The following MB21D2 variants were observed in gnomAD, a reference collection of about 807,000 sequenced individuals.
The protein encoded by MB21D2 is nucleotidyltransferase MB21D2.
A neutral mutation model predicts 33.3 loss-of-function variants in MB21D2; 9 were observed. That is an observed-to-expected ratio of 0.27 (90% confidence interval 0.16 to 0.47). The LOEUF (loss-of-function observed/expected upper bound fraction) is 0.47, where lower values mean the gene tolerates loss of function less well. Ranked by LOEUF, MB21D2 falls within the 20% of genes least tolerant of loss-of-function variation. The pLI is 0.99. For missense variants in MB21D2, 540 were observed against 624.6 expected, an observed-to-expected ratio of 0.86 and a Z score of 1.44; for synonymous variants, 241 against 236.3, an observed-to-expected ratio of 1.02 and a Z score of -0.18.
chr3:192,874,627 G>A (rs1713389411), intron 1 of MB21D2, among the ~76,000 whole-genome samples: 1 of 152,128 alleles, frequency 6.6e-6, no homozygotes, highest in East Asian at 1.9e-4. Context: ...TGGATATCCT[G>A]TGTGCCCCTT....
At chr3:192,801,457 C>G (rs1034747629) in intron 1 of MB21D2, among the ~76,000 whole-genome samples, 1 of 152,166 alleles carries the variant, frequency 6.6e-6, no homozygotes, top group East Asian at 1.9e-4. Context: ...TCTGAACGTT[C>G]GTGACTCCCA....
chr3:192,830,978 G>T (rs1424248656), intron 1 of MB21D2, among the ~76,000 whole-genome samples: 3 of 152,194 alleles, frequency 2.0e-5, no homozygotes, highest in Non-Finnish European at 4.4e-5. Context: ...AGGCTGTGTG[G>T]TCTCAAGGAA....
intron 1 of MB21D2, among the ~76,000 whole-genome samples, chr3:192,822,466 A>C (rs1330897684): frequency 9.2e-6 from 1 of 108,234 alleles, no homozygotes; most frequent in African/African-American, 3.3e-5. Context: ...TTGGATATCC[A>C]CATAGAAGTT....
chr3:192,823,426 G>C (rs931760507), intron 1 of MB21D2, among the ~76,000 whole-genome samples: 1 of 152,144 alleles, frequency 6.6e-6, no homozygotes, highest in Non-Finnish European at 1.5e-5. Flanking sequence ...GGCCGAGGCA[G>C]GTGGATCACC....
At chr3:192,857,796 A>C (rs914125051) in intron 1 of MB21D2, among the ~76,000 whole-genome samples, 24 of 152,328 alleles carry the variant, frequency 1.6e-4, no homozygotes, top group African/African-American at 5.8e-4. Context: ...AATTCAGTTC[A>C]TAAGTCAATG....
In MB21D2 at chr3:192,880,293, G is replaced by A. The variant is rs145873554; in HGVS notation, c.211+37337C>T. The stretch of plus-strand genomic sequence containing the variant: ...ACCCAGGAGACGGAGGTTGCAGTGA[G>A]CCGAGATTGCACCACCGCACTCCAG... On this transcript the variant is annotated intron_variant, in intron 1 of 1. Transcript: ENST00000392452. 8.6e-3 allele frequency among the ~76,000 whole-genome samples: 1,309 copies of A among 152,070 alleles called. 13 individuals carry two copies. The highest frequency in any genetic ancestry group is 0.02 in the Admixed American group (309 of 15,284).
intron 1 of MB21D2, among the ~76,000 whole-genome samples, chr3:192,821,852 G>A (rs970195322): frequency 5.9e-5 from 9 of 152,064 alleles, no homozygotes; most frequent in Admixed American, 5.2e-4. Flanking sequence ...GCAGCAAGAG[G>A]CAGCACCCAG....
At chr3:192,900,208 C>T (rs1457718275) in intron 1 of MB21D2, among the ~76,000 whole-genome samples, 4 of 147,250 alleles carry the variant, frequency 2.7e-5, no homozygotes, top group South Asian at 2.2e-4. Flanking sequence ...GGTGTGAACC[C>T]GGGAGGCGGA....
chr3:192,850,665 A>G (rs1244307158), intron 1 of MB21D2, among the ~76,000 whole-genome samples: 1 of 152,160 alleles, frequency 6.6e-6, no homozygotes, highest in Non-Finnish European at 1.5e-5. Context: ...AGCCCTGAGC[A>G]AACCTGTCAG....
chr3:192,860,802 C>A (rs1432575777), intron 1 of MB21D2, among the ~76,000 whole-genome samples: 1 of 152,178 alleles, frequency 6.6e-6, no homozygotes, highest in Non-Finnish European at 1.5e-5. Context: ...TGAAATAAAT[C>A]CATAGACACC....
intron 1 of MB21D2, among the ~76,000 whole-genome samples, chr3:192,909,960 A>G (rs80122057): frequency 5.1e-4 from 71 of 138,254 alleles, no homozygotes; most frequent in African/African-American, 1.6e-3. Flanking sequence ...AAAAAAAAAA[A>G]AAAGAAAGAG....
chr3:192,878,738 C>T (rs186516612), intron 1 of MB21D2, among the ~76,000 whole-genome samples: 2 of 152,250 alleles, frequency 1.3e-5, no homozygotes, highest in Admixed American at 1.3e-4. Context: ...CCAAGGCGAG[C>T]GGATCGCTTG....
chr3:192,904,044 C>T lies in MB21D2; in HGVS notation c.211+13586G>A, dbSNP rs544506261. Among the ~76,000 whole-genome samples, 14 of 152,286 alleles carry T rather than the reference C, an allele frequency of 9.2e-5. No individual in the cohort carries two copies. The East Asian group carries it at 9.6e-4, about 10-fold the overall frequency. On this transcript the variant is annotated intron_variant, in intron 1 of 1. Coordinates refer to ENST00000392452, the MANE Select transcript of MB21D2 (RefSeq NM_178496.4). ...TGTCTTTACAGCAATGCAAAAACAG[C>T]CTATTACAAGTACCTTCCTCATAGT...
At chr3:192,835,615 C>T (rs556850693) in intron 1 of MB21D2, among the ~76,000 whole-genome samples, 4 of 151,910 alleles carry the variant, frequency 2.6e-5, no homozygotes, top group South Asian at 2.1e-4. Flanking sequence ...ACATTTTAAC[C>T]GTCTGTTGGT....
Position 192,798,656 on chromosome 3 carries a change from A to C in MB21D2, c.1206T>G (p.Ser402=). The change falls in exon 2 of 2, where the codon TCT becomes TCG. Residue 402 remains serine (S), a synonymous_variant. Transcript: ENST00000392452. This position sits in a 1 kb window ranked among gnomAD's most constrained non-coding sequence, Gnocchi z 4.8. ...AGTGCTCTGCCGGGTCTGAGCGCAC[A>C]GAGGACAGCTTCCGGGCGTGAAGCA... ...TVMLHARKLS[S]VRSDPAEHLR... is the part of the protein sequence containing the mutation. The C allele has an allele frequency of 6.2e-7, 1 of 1,613,722 alleles. No individual in the cohort carries two copies. The highest frequency in any genetic ancestry group is 8.5e-7 in the Non-Finnish European group (1 of 1,180,040).
chr3:192,812,618 A>T (rs1300306207), intron 1 of MB21D2, among the ~76,000 whole-genome samples: 1 of 152,190 alleles, frequency 6.6e-6, no homozygotes, highest in Non-Finnish European at 1.5e-5. Context: ...CAAGGGACTC[A>T]TATCACATTC....
chr3:192,831,605 T>C (rs889657463), intron 1 of MB21D2, among the ~76,000 whole-genome samples: 6 of 152,158 alleles, frequency 3.9e-5, no homozygotes, highest in African/African-American at 1.4e-4. Flanking sequence ...TCATCAAATC[T>C]TCAACACTTT....
chr3:192,849,922 CTTTT>C (rs58263373), intron 1 of MB21D2, among the ~76,000 whole-genome samples: 2 of 139,922 alleles, frequency 1.4e-5, no homozygotes, highest in Admixed American at 7.2e-5. Context: ...TAAAAATTTT[CTTTT>C]TTTTTTTTTT....
intron 1 of MB21D2, among the ~76,000 whole-genome samples, chr3:192,803,737 T>C (rs534492124): frequency 1.7e-4 from 26 of 152,302 alleles, no homozygotes; most frequent in African/African-American, 6.0e-4. Context: ...GCTTTGGCTG[T>C]AGGGATCAGT....
Sources: allele counts gnomAD v4.1 joint callset (sites outside exome capture counted in the v4.1 genomes callset), GRCh38; gene constraint gnomAD v4.1.1; non-coding constraint Gnocchi (gnomAD v3.1); transcripts MANE v1.5; gene names NCBI Gene and HGNC (gene_info 2026-07-23, HGNC 2026-07-21).